Variants in DPT observed in about 807,000 individuals in gnomAD.
DPT encodes tyrosine-rich acidic matrix protein.
DPT carries 21 observed loss-of-function variants against 31.2 expected under a neutral mutation model. That is an observed-to-expected ratio of 0.67 (90% CI 0.48 to 0.97). DPT has a LOEUF of 0.97. Among genes scored for constraint, DPT ranks in the 50% least tolerant of loss-of-function variants. DPT has a pLI of 0.00. For synonymous variants in DPT, 91 were observed against 86.9 expected (o/e 1.05, Z -0.26); for missense variants, 262 against 258.8 (o/e 1.01, Z -0.08).
chr1:168,721,089 T>C (rs1650103150), intron 1 of DPT, among the ~76,000 whole-genome samples: 1 of 152,090 alleles, frequency 6.6e-6, no homozygotes. Flanking sequence ...ATACTGGAAA[T>C]AAGTAGACTG....
chr1:168,715,886 C>T (rs548147390), intron 1 of DPT, among the ~76,000 whole-genome samples: 15 of 152,360 alleles, frequency 9.8e-5, no homozygotes, highest in African/African-American at 3.6e-4. Context: ...TATGAGTGGG[C>T]AGAGCCAGAG....
At chr1:168,708,014 C>T (rs1201394239) in intron 2 of DPT, among the ~76,000 whole-genome samples, 1 of 152,162 alleles carries the variant, frequency 6.6e-6, no homozygotes, top group African/African-American at 2.4e-5. Flanking sequence ...TTTTCAGAAA[C>T]TCAAGTCCTT....
At chr1:168,704,668 T>C (rs1184001453) in intron 2 of DPT, among the ~76,000 whole-genome samples, 1 of 152,228 alleles carries the variant, frequency 6.6e-6, no homozygotes, top group African/African-American at 2.4e-5. Flanking sequence ...TCACAGCACT[T>C]TTTCTGCTGT....
intron 3 of DPT, among the ~76,000 whole-genome samples, chr1:168,698,767 A>G (rs631451): frequency 0.61 from 93,275 of 151,898 alleles, 29,831 homozygotes; most frequent in African/African-American, 0.8. Flanking sequence ...ATGGAACAAC[A>G]GCATTCTAAG....
rs765358228 is a variant in DPT, at chr1:168,696,195, A to G, written c.*354T>C. The G allele has an allele frequency of 1.6e-5, 7 of 430,144 alleles. No individual in the cohort carries two copies. Among genetic ancestry groups the G allele is most frequent in the Middle Eastern group, 1.2e-3 (2 of 1,714 alleles). The allele number at this position is 430,144 out of a possible 1,614,324, so 26.6% of individuals were successfully genotyped here. On this transcript the variant is annotated 3_prime_UTR_variant, in exon 4 of 4. Coordinates refer to ENST00000367817, the MANE Select transcript of DPT (RefSeq NM_001937.5). ...CTGCCTCTCCCCTCCACTATGCTGA[A>G]CTTGCAGTTCATTCTGCAGTAAAAA... is the stretch of plus-strand genomic sequence containing the variant.
intron 1 of DPT, among the ~76,000 whole-genome samples, chr1:168,715,709 C>T (rs1029405537): frequency 7.9e-5 from 12 of 152,246 alleles, no homozygotes; most frequent in African/African-American, 2.9e-4. Flanking sequence ...TGCCCCCACA[C>T]AGCATGCAAA....
intron 1 of DPT, among the ~76,000 whole-genome samples, chr1:168,726,935 C>T (rs960627502): frequency 3.9e-5 from 6 of 152,236 alleles, no homozygotes; most frequent in Non-Finnish European, 8.8e-5. Flanking sequence ...GCCTCCACAG[C>T]CCCGGCACCC....
intron 1 of DPT, among the ~76,000 whole-genome samples, chr1:168,720,032 A>G (rs550093427): frequency 6.6e-6 from 1 of 152,326 alleles, no homozygotes; most frequent in Admixed American, 6.5e-5. Flanking sequence ...TTTCTCCTGT[A>G]TCTGCAATAG....
At position 168,695,988 on chromosome 1, in the gene DPT, C is replaced by T. The variant is rs1649457718; in HGVS notation, c.*561G>A. 1 of 390,898 alleles carries T rather than the reference C, an allele frequency of 2.6e-6. No homozygotes were observed. Among genetic ancestry groups the T allele is most frequent in the Non-Finnish European group, 4.5e-6 (1 of 221,780 alleles). 24.2% of individuals were successfully genotyped at this position (390,898 alleles called of 1,614,324 possible). On this transcript the variant is annotated 3_prime_UTR_variant, in exon 4 of 4. Coordinates refer to ENST00000367817, the MANE Select transcript of DPT (RefSeq NM_001937.5). Reference sequence around the variant, plus strand: ...CCTTCCATTTCCCCATTTCACCTCCCAGTCTCCTCACTCCTGGAGCAAAGA... The same window carrying T: ...CCTTCCATTTCCCCATTTCACCTCCTAGTCTCCTCACTCCTGGAGCAAAGA...
intron 2 of DPT, among the ~76,000 whole-genome samples, chr1:168,711,146 G>A (rs1557848457): frequency 2.0e-5 from 3 of 151,110 alleles, no homozygotes; most frequent in Admixed American, 2.0e-4. Context: ...GAGTAGCAGG[G>A]ACTACAGGTG....
chr1:168,716,595 T>C (rs1376115208), intron 1 of DPT, among the ~76,000 whole-genome samples: 2 of 152,216 alleles, frequency 1.3e-5, no homozygotes, highest in African/African-American at 4.8e-5. Context: ...TGTACAGGTT[T>C]ATTACATAGG....
At chr1:168,713,570 T>C (rs1284452034) in intron 2 of DPT, among the ~76,000 whole-genome samples, 3 of 152,038 alleles carry the variant, frequency 2.0e-5, no homozygotes, top group Non-Finnish European at 4.4e-5. Flanking sequence ...CAACACCCAG[T>C]GTAAGTCATC....
chr1:168,697,311 C>G (rs604627), intron 3 of DPT, among the ~76,000 whole-genome samples: 3 of 152,004 alleles, frequency 2.0e-5, no homozygotes, highest in African/African-American at 4.8e-5. Flanking sequence ...CATTTTCCCA[C>G]TGACTCTTTC....
chr1:168,717,876 G>A (rs1031051375), intron 1 of DPT, among the ~76,000 whole-genome samples: 1 of 152,176 alleles, frequency 6.6e-6, no homozygotes, highest in African/African-American at 2.4e-5. Context: ...CTATATGAGT[G>A]GAATGGACTA....
intron 3 of DPT, among the ~76,000 whole-genome samples, chr1:168,698,640 T>A (rs2101897817): frequency 6.6e-6 from 1 of 152,244 alleles, no homozygotes; most frequent in South Asian, 2.1e-4. Flanking sequence ...TGTCTGCAAC[T>A]TCTTTTGGTT....
At chr1:168,720,698 T>C (rs547737673) in intron 1 of DPT, among the ~76,000 whole-genome samples, 1 of 152,296 alleles carries the variant, frequency 6.6e-6, no homozygotes, top group Non-Finnish European at 1.5e-5. Flanking sequence ...GTTTTGCCCA[T>C]GATCTAGACA....
rs1248152826 is a variant in DPT at position 168,728,871 on chromosome 1, A to T, written c.304T>A (p.Trp102Arg). Reference protein sequence around the residue: ...WEEINRAGMEWYQTCSNNGLV... With the variant: ...WEEINRAGMERYQTCSNNGLV... ...TGCAGTGCAGGGACTGGCCCTTACC[A>T]TTCCATGCCAGCCCTGTTGATCTCC... Residue 102 changes from tryptophan to arginine, a missense_variant and splice_region_variant, in exon 1 of 4, where the codon TGG (tryptophan) becomes AGG (arginine). Transcript: ENST00000367817. The T allele has an allele frequency of 2.5e-6, 4 of 1,613,856 alleles. No homozygotes were observed. The African/African-American group carries it at 5.3e-5, about 22-fold the overall frequency.
intron 3 of DPT, among the ~76,000 whole-genome samples, chr1:168,697,485 G>A (rs1265743858): frequency 6.6e-6 from 1 of 152,156 alleles, no homozygotes; most frequent in Non-Finnish European, 1.5e-5. Flanking sequence ...AATTGCCTAT[G>A]TGTTTAAGTG....
chr1:168,695,987 C>G lies in DPT; in HGVS notation c.*562G>C. ...CCCTTCCATTTCCCCATTTCACCTCCCAGTCTCCTCACTCCTGGAGCAAAG... is the reference window on the plus strand; with the variant it reads ...CCCTTCCATTTCCCCATTTCACCTCGCAGTCTCCTCACTCCTGGAGCAAAG... On this transcript the variant is annotated 3_prime_UTR_variant, in exon 4 of 4. Coordinates refer to ENST00000367817, the MANE Select transcript of DPT (RefSeq NM_001937.5). 1 of 390,780 alleles carries G rather than the reference C, an allele frequency of 2.6e-6. No homozygotes were observed. Among genetic ancestry groups the G allele is most frequent in the Non-Finnish European group, 4.5e-6 (1 of 221,638 alleles). 24.2% of individuals were successfully genotyped at this position (390,780 alleles called of 1,614,324 possible).
Sources: allele counts gnomAD v4.1 joint callset (sites outside exome capture counted in the v4.1 genomes callset), GRCh38; gene constraint gnomAD v4.1.1; transcripts MANE v1.5; gene names NCBI Gene and HGNC (gene_info 2026-07-23, HGNC 2026-07-21).